Variants in MSI2 observed in about 807,000 individuals in gnomAD.
MSI2 encodes musashi RNA binding protein 2, also known as RNA-binding protein Musashi homolog 2.
In MSI2, 17 loss-of-function variants were observed where a neutral mutation model predicts 45.6. The observed-to-expected ratio is 0.37, with a 90% CI of 0.26 to 0.56. The LOEUF is 0.56. Among genes scored for constraint, MSI2 ranks in the 20% least tolerant of loss-of-function variants. MSI2 has a pLI of 0.77. For synonymous variants in MSI2, 156 were observed against 158.2 expected, an observed-to-expected ratio of 0.99 and a Z score of 0.11; for missense variants, 293 against 444.2, an observed-to-expected ratio of 0.66 and a Z score of 3.06.
intron 5 of MSI2, among the ~76,000 whole-genome samples, chr17:57,269,586 A>G (rs1908160196): frequency 6.6e-6 from 1 of 152,216 alleles, no homozygotes; most frequent in Admixed American, 6.5e-5. Flanking sequence ...GAGCTCTCTC[A>G]TTCTCTTGTT....
rs1911201557 is a variant in MSI2, at chr17:57,652,164, A to G, written c.790+3A>G. 6.2e-7 allele frequency: 1 copy of G among 1,613,816 alleles called. No homozygotes were observed. Among genetic ancestry groups the G allele is most frequent in the South Asian group, 1.1e-5 (1 of 91,074 alleles). ...GGTGGCGGCAGCAAGAGGATCAGGT[A>G]GGAAGGTGTATGGGACAGGCGACTC... On this transcript the variant is annotated splice_donor_region_variant and intron_variant, in intron 11 of 13. Coordinates refer to ENST00000284073, the MANE Select transcript of MSI2 (RefSeq NM_138962.4). This position sits in a 1 kb window ranked among gnomAD's most constrained non-coding sequence, Gnocchi z 4.1.
At chr17:57,258,819 G>A (rs371683313) in intron 4 of MSI2, among the ~76,000 whole-genome samples, 11 of 152,136 alleles carry the variant, frequency 7.2e-5, no homozygotes, top group African/African-American at 9.7e-5. Context: ...TTTCTCTTGG[G>A]GCACTTGGGA....
intron 6 of MSI2, among the ~76,000 whole-genome samples, chr17:57,507,312 T>C (rs2086259981): frequency 1.3e-5 from 2 of 148,808 alleles, no homozygotes; most frequent in African/African-American, 5.0e-5. Context: ...CTAAGAAGCA[T>C]TGAGAACTGG....
chr17:57,657,647 G>A (rs1183406696), intron 11 of MSI2, among the ~76,000 whole-genome samples: 1 of 152,196 alleles, frequency 6.6e-6, no homozygotes, highest in Non-Finnish European at 1.5e-5. Context: ...TAGATCTCAA[G>A]AAGTAGATAT....
intron 10 of MSI2, among the ~76,000 whole-genome samples, chr17:57,645,418 G>T (rs1013074744): frequency 6.6e-6 from 1 of 151,752 alleles, no homozygotes; most frequent in Non-Finnish European, 1.5e-5. Flanking sequence ...CATCTGGGAA[G>T]TTTTTTTGTT....
intron 5 of MSI2, among the ~76,000 whole-genome samples, chr17:57,277,682 C>T (rs1908993795): frequency 6.6e-6 from 1 of 152,172 alleles, no homozygotes; most frequent in Non-Finnish European, 1.5e-5. Flanking sequence ...GTTCACTTAA[C>T]TTTGTTAGTC....
At chr17:57,458,697 C>T (rs988068994) in intron 6 of MSI2, among the ~76,000 whole-genome samples, 2 of 152,244 alleles carry the variant, frequency 1.3e-5, no homozygotes, top group Non-Finnish European at 2.9e-5. Flanking sequence ...GCCCATAACT[C>T]AGATCAGTTA....
At position 57,684,427 on chromosome 17, in the gene MSI2, A is replaced by ATT. The variant is rs1463461771; in HGVS notation, c.*4911_*4912insTT. On this transcript the variant is annotated 3_prime_UTR_variant, in exon 14 of 14. Coordinates refer to ENST00000284073, the MANE Select transcript of MSI2 (RefSeq NM_138962.4). ...CTTTGGTAGTGAGTATTTTTTTTAT[A>ATT]TATATACATATATATGTACTATCTA... is the stretch of plus-strand genomic sequence containing the variant. 8.0e-6 allele frequency: 1 copy of ATT among 124,840 alleles called. No individual in the cohort carries two copies. The highest frequency in any genetic ancestry group is 5.8e-5 in the African/African-American group (1 of 17,264). The allele number at this position is 124,840 out of a possible 1,614,324, so 7.7% of individuals were successfully genotyped here.
intron 5 of MSI2, among the ~76,000 whole-genome samples, chr17:57,388,535 G>T (rs891162043): frequency 2.0e-5 from 3 of 152,228 alleles, no homozygotes; most frequent in African/African-American, 7.2e-5. Flanking sequence ...CCGCATGCGG[G>T]TTGCTTAGGA....
intron 6 of MSI2, among the ~76,000 whole-genome samples, chr17:57,442,583 G>A (rs2084820498): frequency 6.6e-6 from 1 of 151,996 alleles, no homozygotes; most frequent in South Asian, 2.1e-4. Flanking sequence ...TTCTCCACTG[G>A]CCTCTCCTCG....
intron 10 of MSI2, among the ~76,000 whole-genome samples, chr17:57,638,989 G>A (rs1028640299): frequency 6.6e-6 from 1 of 152,192 alleles, no homozygotes; most frequent in African/African-American, 2.4e-5. Context: ...GACATCTGGT[G>A]AGGACCACTT....
chr17:57,298,099 G>A (rs189290452), intron 5 of MSI2, among the ~76,000 whole-genome samples: 1 of 151,804 alleles, frequency 6.6e-6, no homozygotes, highest in East Asian at 1.9e-4. Context: ...ATCTAGAGTG[G>A]TGAATGCTTT....
At chr17:57,445,210 A>G (rs940903383) in intron 6 of MSI2, among the ~76,000 whole-genome samples, 2 of 152,112 alleles carry the variant, frequency 1.3e-5, no homozygotes, top group South Asian at 4.1e-4. Context: ...TTTTTAGGAG[A>G]TGATCCCAGA....
intron 6 of MSI2, among the ~76,000 whole-genome samples, chr17:57,403,638 C>T (rs1480660975): frequency 6.6e-6 from 1 of 151,984 alleles, no homozygotes; most frequent in East Asian, 1.9e-4. Context: ...GCTTTTTTTT[C>T]ATACATAGGT....
chr17:57,661,723 C>T (rs1279410351), intron 11 of MSI2, among the ~76,000 whole-genome samples: 1 of 152,170 alleles, frequency 6.6e-6, no homozygotes, highest in African/African-American at 2.4e-5. Flanking sequence ...TATTTATTCC[C>T]TGCTTGGGGC....
intron 6 of MSI2, among the ~76,000 whole-genome samples, chr17:57,498,310 A>G (rs8068936): frequency 0.016 from 2,436 of 152,362 alleles, 58 homozygotes; most frequent in African/African-American, 0.055. Context: ...ATTAAAAAAT[A>G]CAGCTGACGC....
At chr17:57,622,842 C>T (rs1207113321) in intron 9 of MSI2, among the ~76,000 whole-genome samples, 1 of 152,134 alleles carries the variant, frequency 6.6e-6, no homozygotes. Flanking sequence ...TTTGTTTAGC[C>T]GCTTCCTGGT....
rs1567887074 is a variant in MSI2 at position 57,539,967 on chromosome 17, G to C, written c.454+10243G>C. 2.0e-5 allele frequency among the ~76,000 whole-genome samples: 3 copies of C among 152,214 alleles called. No homozygotes were observed. The South Asian group carries it at 6.2e-4, about 32-fold the overall frequency. On this transcript the variant is annotated intron_variant, in intron 7 of 13. Transcript: ENST00000284073. ...CATTCCCATTGTTTATGGCTTAGGA[G>C]TCAAGGCAACACCCGGTTAATGATG...
At chr17:57,577,124 C>G (rs930473916) in intron 7 of MSI2, among the ~76,000 whole-genome samples, 42 of 152,176 alleles carry the variant, frequency 2.8e-4, no homozygotes, top group Admixed American at 2.7e-3. Context: ...AATGAGGTGG[C>G]TACGTTAGAT....
Sources: allele counts gnomAD v4.1 joint callset (sites outside exome capture counted in the v4.1 genomes callset), GRCh38; gene constraint gnomAD v4.1.1; non-coding constraint Gnocchi (gnomAD v3.1); transcripts MANE v1.5; gene names NCBI Gene and HGNC (gene_info 2026-07-23, HGNC 2026-07-21).